PALMD: variants seen among roughly 807,000 people sequenced by gnomAD.
PALMD encodes palmdelphin.
Under a neutral mutation model 56.2 loss-of-function variants are expected in PALMD, and 42 were observed. That is an observed-to-expected ratio of 0.75 (90% confidence interval 0.58 to 0.97). The LOEUF is 0.97. Ranked by LOEUF, PALMD falls within the 50% of genes least tolerant of loss-of-function variation. PALMD has a pLI of 0.00. For synonymous variants in PALMD, 242 were observed against 222.9 expected (o/e 1.09, Z -0.76); for missense variants, 660 against 643.8 (o/e 1.03, Z -0.27).
chr1:99,670,589 C>A (rs1653061373), intron 3 of PALMD, among the ~76,000 whole-genome samples: 1 of 152,096 alleles, frequency 6.6e-6, no homozygotes, highest in African/African-American at 2.4e-5. Context: ...AAACACCTAA[C>A]ACAGACAAGT....
chr1:99,662,483 T>C lies in PALMD; in HGVS notation c.126+84T>C, dbSNP rs956447639. On this transcript the variant is annotated intron_variant, in intron 2 of 7. Coordinates refer to ENST00000263174, the MANE Select transcript of PALMD (RefSeq NM_017734.5). ...TCAAATTTCAATAGTAAAAAAGCTTTAGGAAAGAAAAAAATTTCAAGATAG... is the reference window on the plus strand; with the variant it reads ...TCAAATTTCAATAGTAAAAAAGCTTCAGGAAAGAAAAAAATTTCAAGATAG... 23 of 827,468 alleles carry C rather than the reference T, an allele frequency of 2.8e-5. No homozygotes were observed. The African/African-American group carries it at 3.7e-4, about 13-fold the overall frequency. 51.3% of individuals were successfully genotyped at this position (827,468 alleles called of 1,614,324 possible).
chr1:99,649,491 C>G (rs1025536279), intron 1 of PALMD, among the ~76,000 whole-genome samples: 1 of 152,058 alleles, frequency 6.6e-6, no homozygotes, highest in Non-Finnish European at 1.5e-5. Context: ...GATGAAGAAG[C>G]GTGAGATGAA....
Position 99,689,324 on chromosome 1 carries a change from A to G in PALMD, c.1064A>G (p.Asn355Ser), listed in dbSNP as rs202224668. The change falls in exon 7 of 8, where the codon AAT becomes AGT. Residue 355 changes from asparagine to serine, a missense_variant. By Grantham distance (46) the Asn-to-Ser change is conservative (BLOSUM62 1). Transcript: ENST00000263174. ...CTAATGACTCCTTGGGAAGAATCGA[A>G]TGTCATGCAGGACAAAGATGCACCC... ...KRLMTPWEES[N>S]VMQDKDAPSP... is the part of the protein sequence containing the mutation. 15 of 1,613,638 alleles carry G rather than the reference A, an allele frequency of 9.3e-6. No individual in the cohort carries two copies. The East Asian group carries it at 3.1e-4, about 34-fold the overall frequency.
At position 99,688,767 on chromosome 1, in the gene PALMD, C is replaced by T. The variant is rs775183345; in HGVS notation, c.515-8C>T. Reference sequence around the variant, plus strand: ...ACTAAATCAAAGATCAAATTTGTTTCTTAACAGCTTTATATGCCATGGAAA... The same window carrying T: ...ACTAAATCAAAGATCAAATTTGTTTTTTAACAGCTTTATATGCCATGGAAA... On this transcript the variant is annotated splice_polypyrimidine_tract_variant and splice_region_variant and intron_variant, in intron 6 of 7. Transcript: ENST00000263174. 2 of 1,553,308 alleles carry T rather than the reference C, an allele frequency of 1.3e-6. No individual in the cohort carries two copies. Among genetic ancestry groups the T allele is most frequent in the South Asian group, 2.5e-5 (2 of 80,760 alleles).
chr1:99,661,640 C>G (rs535091789), intron 1 of PALMD, among the ~76,000 whole-genome samples: 1 of 152,248 alleles, frequency 6.6e-6, no homozygotes, highest in South Asian at 2.1e-4. Flanking sequence ...AGTATATTTG[C>G]TATATTTTCT....
chr1:99,646,261 C>G lies in PALMD; in HGVS notation c.-57C>G. 1 of 1,462,542 alleles carries G rather than the reference C, an allele frequency of 6.8e-7. No homozygotes were observed. Among genetic ancestry groups the G allele is most frequent in the South Asian group, 1.1e-5 (1 of 88,012 alleles). The allele number at this position is 1,462,542 out of a possible 1,614,324, so 90.6% of individuals were successfully genotyped here. Reference sequence around the variant, plus strand: ...CCCGCTCCTCTCCCCCAGGAGGCTCCTTGATTTATGGTAGCTTTGGACTTG... The same window carrying G: ...CCCGCTCCTCTCCCCCAGGAGGCTCGTTGATTTATGGTAGCTTTGGACTTG... On this transcript the variant is annotated 5_prime_UTR_variant, in exon 1 of 8. Coordinates refer to ENST00000263174, the MANE Select transcript of PALMD (RefSeq NM_017734.5).
At chr1:99,673,044 C>T (rs1161139757) in intron 3 of PALMD, among the ~76,000 whole-genome samples, 1 of 152,044 alleles carries the variant, frequency 6.6e-6, no homozygotes, top group Non-Finnish European at 1.5e-5. Flanking sequence ...GGTACAGCAG[C>T]TATAGCCACA....
intron 7 of PALMD, among the ~76,000 whole-genome samples, chr1:99,692,222 C>G (rs2100878919): frequency 6.6e-6 from 1 of 152,230 alleles, no homozygotes; most frequent in Middle Eastern, 3.4e-3. Flanking sequence ...ATTCTGTCCT[C>G]TTAGAGGTGT....
At chr1:99,653,842 C>T (rs775651386) in intron 1 of PALMD, among the ~76,000 whole-genome samples, 27 of 152,100 alleles carry the variant, frequency 1.8e-4, no homozygotes, top group Non-Finnish European at 3.2e-4. Context: ...CTTCATGACT[C>T]CTGCCACTGA....
At chr1:99,673,784 G>A (rs558262101) in intron 3 of PALMD, among the ~76,000 whole-genome samples, 5 of 152,000 alleles carry the variant, frequency 3.3e-5, no homozygotes, top group South Asian at 2.1e-4. Context: ...CCAACCCTCC[G>A]AAACACACAC....
At chr1:99,682,446 A>G (rs2100871207) in intron 3 of PALMD, among the ~76,000 whole-genome samples, 1 of 152,298 alleles carries the variant, frequency 6.6e-6, no homozygotes, top group East Asian at 1.9e-4. Context: ...TATTAATGCA[A>G]CTTTCATCCA....
chr1:99,667,145 T>C (rs895855060), intron 2 of PALMD, among the ~76,000 whole-genome samples: 1 of 152,148 alleles, frequency 6.6e-6, no homozygotes, highest in African/African-American at 2.4e-5. Flanking sequence ...TTCCAATTAA[T>C]CCCACTAAAG....
In PALMD at chr1:99,687,112, T is replaced by A. The variant is rs1653519821; in HGVS notation, c.437T>A (p.Leu146His). 6.2e-7 allele frequency: 1 copy of A among 1,605,142 alleles called. No homozygotes were observed. The highest frequency in any genetic ancestry group is 2.2e-5 in the East Asian group (1 of 44,708). The change falls in exon 6 of 8, where the codon CTT (leucine) becomes CAT (histidine). Residue 146 changes from leucine to histidine, a missense_variant. Transcript: ENST00000263174. The stretch of plus-strand genomic sequence containing the variant: ...GACATCTATGCTAATATCCCTGACC[T>A]TCCAAAGTCCTACATACCTTCTAGG... ...IEDIYANIPDLPKSYIPSRLR... is the reference protein window; with the variant it reads ...IEDIYANIPDHPKSYIPSRLR...
chr1:99,689,770 A>G lies in PALMD; in HGVS notation c.1510A>G (p.Ile504Val), dbSNP rs368734785. Reference protein sequence around the residue: ...TNHKSPHKNSISLKEQEESLG... With the variant: ...TNHKSPHKNSVSLKEQEESLG... ...TCATAAATCCCCCCACAAAAATTCC[A>G]TATCTCTGAAAGAGCAAGAAGAAAG... The change falls in exon 7 of 8, where the codon ATA (isoleucine) becomes GTA (valine). Residue 504 changes from isoleucine (I) to valine (V), a missense_variant. Transcript: ENST00000263174. 3.2e-5 allele frequency: 51 copies of G among 1,613,744 alleles called. No homozygotes were observed. Among genetic ancestry groups the G allele is most frequent in the Middle Eastern group, 1.6e-4 (1 of 6,084 alleles).
chr1:99,670,479 G>A (rs1653059528), intron 3 of PALMD, among the ~76,000 whole-genome samples: 1 of 152,286 alleles, frequency 6.6e-6, no homozygotes, highest in Non-Finnish European at 1.5e-5. Context: ...AGGCCACAGA[G>A]TCAGTAAAGG....
Position 99,689,802 on chromosome 1 carries a change from C to G in PALMD, c.1542C>G (p.Gly514=). 6.2e-7 allele frequency: 1 copy of G among 1,613,478 alleles called. No individual in the cohort carries two copies. Among genetic ancestry groups the G allele is most frequent in the South Asian group, 1.1e-5 (1 of 91,056 alleles). Residue 514 remains glycine, a synonymous_variant, in exon 7 of 8, where the codon GGC becomes GGG. Transcript: ENST00000263174. ...TGAAAGAGCAAGAAGAAAGCTTAGG[C>G]AGCCCTGTCCACCATTCCCCATTTG... The part of the protein sequence containing the change: ...ISLKEQEESL[G]SPVHHSPFDA...
Position 99,653,824 on chromosome 1 carries a change from C to T in PALMD, c.45+7462C>T, listed in dbSNP as rs192422702. The stretch of plus-strand genomic sequence containing the variant: ...CCAGAATCTGGTTGCCTTTAACTTC[C>T]ACCCAATCTTCATGACTCCTGCCAC... On this transcript the variant is annotated intron_variant, in intron 1 of 7. Coordinates refer to ENST00000263174, the MANE Select transcript of PALMD (RefSeq NM_017734.5). 3.3e-4 allele frequency among the ~76,000 whole-genome samples: 50 copies of T among 152,220 alleles called. No individual in the cohort carries two copies. The East Asian group carries it at 9.5e-3, about 29-fold the overall frequency.
chr1:99,667,230 T>G (rs545163646), intron 2 of PALMD, among the ~76,000 whole-genome samples: 1 of 152,284 alleles, frequency 6.6e-6, no homozygotes, highest in East Asian at 1.9e-4. Flanking sequence ...TTTGACTTTG[T>G]TTAGGACACA....
At chr1:99,683,616 A>G (rs1257938741) in intron 3 of PALMD, 2 of 152,174 alleles carry the variant, frequency 1.3e-5, no homozygotes, top group Non-Finnish European at 2.9e-5. Flanking sequence ...ACCAACCTGG[A>G]TTACACCATC....
Sources: allele counts gnomAD v4.1 joint callset (sites outside exome capture counted in the v4.1 genomes callset), GRCh38; gene constraint gnomAD v4.1.1; transcripts MANE v1.5; gene names NCBI Gene and HGNC (gene_info 2026-07-23, HGNC 2026-07-21).